The following RAB11FIP3 variants were observed in gnomAD, a reference collection of about 807,000 sequenced individuals.
RAB11FIP3 encodes RAB11 family interacting protein 3.
In RAB11FIP3, 17 loss-of-function variants were observed where a neutral mutation model predicts 77.8. That is an observed-to-expected ratio of 0.22 (90% CI 0.15 to 0.33). The LOEUF is 0.33. Ranked by LOEUF, RAB11FIP3 falls within the 10% of genes least tolerant of loss-of-function variation. The probability of loss-of-function intolerance (pLI) is 1.00; values close to 1 mark genes in which losing one functional copy is unlikely to be tolerated. For missense variants in RAB11FIP3, 1,005 were observed against 1,011.2 expected, an observed-to-expected ratio of 0.99 and a Z score of 0.08; for synonymous variants, 437 against 448.2, an observed-to-expected ratio of 0.98 and a Z score of 0.31.
chr16:518,216 C>T (rs1596303885), intron 9 of RAB11FIP3, among the ~76,000 whole-genome samples: 1 of 152,220 alleles, frequency 6.6e-6, no homozygotes, highest in African/African-American at 2.4e-5. Context: ...GTAGCTGGAG[C>T]TACAGGCATG....
chr16:468,094 G>C (rs1596237019), intron 2 of RAB11FIP3, among the ~76,000 whole-genome samples: 8 of 43,112 alleles, frequency 1.9e-4, no homozygotes, highest in Admixed American at 4.2e-4. Context: ...GTGCAGGGGC[G>C]TCAGGGAGGA....
At chr16:490,789 A>G (rs1355514160) in intron 5 of RAB11FIP3, among the ~76,000 whole-genome samples, 1 of 152,208 alleles carries the variant, frequency 6.6e-6, no homozygotes, top group Non-Finnish European at 1.5e-5. Context: ...CAAAAGAGAA[A>G]GCAGTATGGT....
At chr16:460,445 T>C (rs576452148) in intron 1 of RAB11FIP3, among the ~76,000 whole-genome samples, 1 of 152,260 alleles carries the variant, frequency 6.6e-6, no homozygotes, top group Non-Finnish European at 1.5e-5. Context: ...AGGTATTTTC[T>C]GTAATACTCT....
chr16:438,206 C>G (rs1412408204), intron 1 of RAB11FIP3, among the ~76,000 whole-genome samples: 2 of 151,948 alleles, frequency 1.3e-5, no homozygotes, highest in African/African-American at 2.4e-5. Flanking sequence ...CTCTCAGGTT[C>G]AAGCAATTCT....
chr16:462,878 T>C (rs2055639354), intron 2 of RAB11FIP3, among the ~76,000 whole-genome samples: 1 of 151,262 alleles, frequency 6.6e-6, no homozygotes, highest in Non-Finnish European at 1.5e-5. Context: ...CTCAGCACAA[T>C]GTCTTCCCCA....
Position 426,555 on chromosome 16 carries a change from G to T in RAB11FIP3, c.549G>T (p.Gln183His), listed in dbSNP as rs941090920. 1 of 1,584,452 alleles carries T rather than the reference G, an allele frequency of 6.3e-7. No homozygotes were observed. Among genetic ancestry groups the T allele is most frequent in the South Asian group, 1.1e-5 (1 of 87,350 alleles). The change falls in exon 1 of 14, where the codon CAG becomes CAT. Residue 183 changes from glutamine (Q) to histidine (H), a missense_variant. Coordinates refer to ENST00000262305, the MANE Select transcript of RAB11FIP3 (RefSeq NM_014700.4). This position sits in a 1 kb window ranked among gnomAD's most constrained non-coding sequence, Gnocchi z 5.0. ...AGCAAGGTCCCGGGTCCCCGCCGCAGCCCTCGGACCTCAGCCAGACCCACC... is the reference window on the plus strand; with the variant it reads ...AGCAAGGTCCCGGGTCCCCGCCGCATCCCTCGGACCTCAGCCAGACCCACC... ...ALEQGPGSPP[Q>H]PSDLSQTHPL...
intron 8 of RAB11FIP3, chr16:510,357 G>A: frequency 3.0e-6 from 1 of 333,314 alleles, no homozygotes; most frequent in Non-Finnish European, 5.6e-6. Context: ...GCGGGCTCAG[G>A]CCCTCTGAGT....
chr16:450,955 ACCGCAGCGCTCTGCCTG>A (rs1191361660), intron 1 of RAB11FIP3, among the ~76,000 whole-genome samples: 1 of 151,194 alleles, frequency 6.6e-6, no homozygotes, highest in Non-Finnish European at 1.5e-5. Context: ...GCCTTCTGTT[ACCGCAGCGCTCTGCCTG>A]CCATCGTTGA....
intron 1 of RAB11FIP3, among the ~76,000 whole-genome samples, chr16:442,970 G>A (rs992861636): frequency 1.3e-5 from 2 of 152,084 alleles, no homozygotes; most frequent in African/African-American, 4.8e-5. Context: ...CAAGGCTGAC[G>A]TTTTTGCTGT....
At chr16:513,532 TC>T (rs1450082894) in intron 9 of RAB11FIP3, among the ~76,000 whole-genome samples, 1 of 152,186 alleles carries the variant, frequency 6.6e-6, no homozygotes, top group Non-Finnish European at 1.5e-5. Flanking sequence ...CTCCATACTC[TC>T]AGCAGAAGCA....
intron 8 of RAB11FIP3, 156 bp from the exon 9 acceptor site, chr16:510,504 G>A (rs1237261436): frequency 4.7e-6 from 4 of 846,608 alleles, no homozygotes; most frequent in African/African-American, 3.4e-5. Flanking sequence ...CGCTGCTTCA[G>A]AACTGCCTTG....
At chr16:480,286 C>CAAAAAAAAGAAAAAAAAAAAAAA in intron 3 of RAB11FIP3, among the ~76,000 whole-genome samples, 1 of 80,024 alleles carries the variant, frequency 1.2e-5, no homozygotes, top group African/African-American at 4.8e-5. Flanking sequence ...ACTCCTTCTC[C>CAAAAAAAAGAAAAAAAAAAAAAA]AAAAAAAAAA....
chr16:450,988 T>C (rs1043201672), intron 1 of RAB11FIP3, among the ~76,000 whole-genome samples: 15 of 152,080 alleles, frequency 9.9e-5, no homozygotes, highest in Non-Finnish European at 1.9e-4. Context: ...GTTGAATGTG[T>C]GGACTCTTTG....
chr16:461,342 C>T lies in RAB11FIP3; in HGVS notation c.715-62C>T. 7.3e-7 allele frequency: 1 copy of T among 1,364,834 alleles called. No homozygotes were observed. The highest frequency in any genetic ancestry group is 1.0e-6 in the Non-Finnish European group (1 of 971,202). The allele number at this position is 1,364,834 out of a possible 1,614,324, so 84.5% of individuals were successfully genotyped here. A position where few individuals can be genotyped will look rare whatever the true frequency, so the allele number is the denominator to read the frequency against. Reference sequence around the variant, plus strand: ...CACCAGATCTCTCCCAGTCCGAGGTCCAGGGTTGGGGACCCCTGCTGTAAA... The same window carrying T: ...CACCAGATCTCTCCCAGTCCGAGGTTCAGGGTTGGGGACCCCTGCTGTAAA... On this transcript the variant is annotated intron_variant, in intron 1 of 13. Transcript: ENST00000262305. This position sits in a 1 kb window ranked among gnomAD's most constrained non-coding sequence, Gnocchi z 4.5.
rs539969991 is a variant in RAB11FIP3, at chr16:461,558, C to T, written c.808+61C>T. On this transcript the variant is annotated intron_variant, in intron 2 of 13. Transcript: ENST00000262305. The surrounding 1 kb of genome is among the most constrained non-coding windows in gnomAD (Gnocchi z 4.5). ...CCCGTTCCTCAGCCACCCTCTCAGC[C>T]ACCTGCACATCACCAGGCTCCTCGT... The T allele has an allele frequency of 1.6e-5, 22 of 1,362,012 alleles. No individual in the cohort carries two copies. In the African/African-American group the frequency reaches 3.0e-4, roughly 19 times the overall value. 84.4% of individuals were successfully genotyped at this position (1,362,012 alleles called of 1,614,324 possible). A position where few individuals can be genotyped will look rare whatever the true frequency, so the allele number is the denominator to read the frequency against.
Position 492,303 on chromosome 16 carries a change from G to C in RAB11FIP3, c.1265+3303G>C, listed in dbSNP as rs111619962. On this transcript the variant is annotated intron_variant, in intron 5 of 13. Transcript: ENST00000262305. Reference sequence around the variant, plus strand: ...GGGCCCGGCACTGATGGCCATTCTGGAGCATCGGGGGTCTTGGCAGCACTG... The same window carrying C: ...GGGCCCGGCACTGATGGCCATTCTGCAGCATCGGGGGTCTTGGCAGCACTG... 1.6e-4 allele frequency among the ~76,000 whole-genome samples: 23 copies of C among 144,090 alleles called. 2 individuals carry two copies. Among genetic ancestry groups the C allele is most frequent in the African/African-American group, 4.5e-4 (17 of 37,500 alleles). 94.5% of individuals were successfully genotyped at this position (144,090 alleles called of 152,430 possible).
At chr16:475,559 T>C (rs964361613) in intron 3 of RAB11FIP3, among the ~76,000 whole-genome samples, 4 of 152,094 alleles carry the variant, frequency 2.6e-5, no homozygotes, top group Non-Finnish European at 4.4e-5. Context: ...GAAAACTCCA[T>C]GTAGGGAGGC....
At chr16:479,970 T>C (rs922204895) in intron 3 of RAB11FIP3, among the ~76,000 whole-genome samples, 2 of 151,774 alleles carry the variant, frequency 1.3e-5, no homozygotes, top group African/African-American at 2.4e-5. Context: ...CTCTCAGACA[T>C]GTACCTATTT....
At chr16:501,954 C>T (rs2031557316) in intron 6 of RAB11FIP3, among the ~76,000 whole-genome samples, 1 of 148,308 alleles carries the variant, frequency 6.7e-6, no homozygotes. Flanking sequence ...GGGAGAGGGT[C>T]CCCCCATTTC....
Sources: allele counts gnomAD v4.1 joint callset (sites outside exome capture counted in the v4.1 genomes callset), GRCh38; gene constraint gnomAD v4.1.1; non-coding constraint Gnocchi (gnomAD v3.1); transcripts MANE v1.5; gene names NCBI Gene and HGNC (gene_info 2026-07-23, HGNC 2026-07-21).